The following PRTG variants were observed in gnomAD, a reference collection of about 807,000 sequenced individuals.
PRTG encodes the protein immunoglobulin superfamily, DCC subclass, member 5.
PRTG carries 67 observed loss-of-function variants against 122.5 expected under a neutral mutation model. The ratio of observed to expected loss-of-function variants is 0.55; its 90% confidence interval spans 0.45 to 0.67. The LOEUF (loss-of-function observed/expected upper bound fraction) is 0.67, where lower values mean the gene tolerates loss of function less well. Among genes scored for constraint, PRTG ranks in the 30% least tolerant of loss-of-function variants. PRTG has a pLI of 0.00. For missense variants in PRTG, 1,435 were observed against 1,415.4 expected, an observed-to-expected ratio of 1.01 and a Z score of -0.22; for synonymous variants, 554 against 501.1, an observed-to-expected ratio of 1.11 and a Z score of -1.41.
At chr15:55,654,260 G>A (rs1205003173) in intron 11 of PRTG, among the ~76,000 whole-genome samples, 1 of 152,132 alleles carries the variant, frequency 6.6e-6, no homozygotes, top group Admixed American at 6.6e-5. Flanking sequence ...CCTTTGGTTA[G>A]GGAAGAGAAA....
intron 11 of PRTG, among the ~76,000 whole-genome samples, chr15:55,664,977 G>A (rs978180870): frequency 6.6e-6 from 1 of 152,030 alleles, no homozygotes; most frequent in Non-Finnish European, 1.5e-5. Context: ...ACTGCATGTT[G>A]GCCAGGCGCA....
At chr15:55,651,395 A>G (rs1391291044) in intron 11 of PRTG, among the ~76,000 whole-genome samples, 3 of 152,182 alleles carry the variant, frequency 2.0e-5, no homozygotes, top group African/African-American at 7.2e-5. Context: ...AAGAATTCCA[A>G]TCCTGCTGCC....
At chr15:55,722,683 T>C (rs2030872003) in intron 2 of PRTG, among the ~76,000 whole-genome samples, 1 of 152,180 alleles carries the variant, frequency 6.6e-6, no homozygotes, top group African/African-American at 2.4e-5. Flanking sequence ...TATTTCCATT[T>C]CTGGAAAATC....
At chr15:55,646,361 C>T (rs1000857774) in intron 11 of PRTG, among the ~76,000 whole-genome samples, 8 of 148,762 alleles carry the variant, frequency 5.4e-5, no homozygotes, top group Admixed American at 2.0e-4. Flanking sequence ...CTTGCTCTGT[C>T]GCCCAGGATG....
At chr15:55,655,645 A>C (rs1433709778) in intron 11 of PRTG, 1 of 152,094 alleles carries the variant, frequency 6.6e-6, no homozygotes, top group Non-Finnish European at 1.5e-5. Context: ...AACTTTAGAC[A>C]GTATAAACTT....
In PRTG at chr15:55,616,762, G is replaced by C. The variant is rs2059143578; in HGVS notation, c.*3250C>G. On this transcript the variant is annotated 3_prime_UTR_variant, in exon 20 of 20. Coordinates refer to ENST00000389286, the MANE Select transcript of PRTG (RefSeq NM_173814.6). Reference sequence around the variant, plus strand: ...TAAAAAGTACTTGAATAAAAACACTGATAAATACCAATATAATTGTATTGC... The same window carrying C: ...TAAAAAGTACTTGAATAAAAACACTCATAAATACCAATATAATTGTATTGC... The C allele has an allele frequency of 6.6e-6, 1 of 152,048 alleles. No individual in the cohort carries two copies. Among genetic ancestry groups the C allele is most frequent in the Admixed American group, 6.6e-5 (1 of 15,242 alleles). The allele number at this position is 152,048 out of a possible 1,614,324, so 9.4% of individuals were successfully genotyped here. A position where few individuals can be genotyped will look rare whatever the true frequency, so the allele number is the denominator to read the frequency against.
In PRTG at chr15:55,614,373, C is replaced by T. The variant is rs937964083; in HGVS notation, c.*5639G>A. On this transcript the variant is annotated 3_prime_UTR_variant, in exon 20 of 20. Coordinates refer to ENST00000389286, the MANE Select transcript of PRTG (RefSeq NM_173814.6). ...AATAAAACTGAAAAGCATTCAGTGG[C>T]TTGGTGAAGCTGAAGAGAGGAACCA... 1.3e-5 allele frequency: 2 copies of T among 152,040 alleles called. No individual in the cohort carries two copies. Among genetic ancestry groups the T allele is most frequent in the Admixed American group, 6.6e-5 (1 of 15,256 alleles). The allele number at this position is 152,040 out of a possible 1,614,324, so 9.4% of individuals were successfully genotyped here.
chr15:55,703,770 T>A (rs2029977153), intron 2 of PRTG, among the ~76,000 whole-genome samples: 1 of 152,232 alleles, frequency 6.6e-6, no homozygotes, highest in African/African-American at 2.4e-5. Context: ...CTTAAATTTT[T>A]AAAAACTATT....
intron 2 of PRTG, among the ~76,000 whole-genome samples, chr15:55,720,824 G>C (rs1595676007): frequency 6.6e-6 from 1 of 152,274 alleles, no homozygotes; most frequent in Non-Finnish European, 1.5e-5. Flanking sequence ...ATCTCATAAT[G>C]TTTTAAGAAC....
At chr15:55,742,534 G>A (rs564326126) in intron 1 of PRTG, 4 of 328,184 alleles carry the variant, frequency 1.2e-5, no homozygotes, top group East Asian at 4.8e-5. Context: ...GGCGCGAGAA[G>A]GAAGAGACCA....
At chr15:55,641,059 G>C in intron 12 of PRTG, 54 bp downstream of exon 12, 1 of 1,206,464 alleles carries the variant, frequency 8.3e-7, no homozygotes, top group Non-Finnish European at 1.2e-6. Context: ...AGGAGGAGGA[G>C]GAGAAAGAAC....
At chr15:55,640,184 G>A (rs1170756364) in intron 12 of PRTG, among the ~76,000 whole-genome samples, 1 of 152,092 alleles carries the variant, frequency 6.6e-6, no homozygotes, top group Non-Finnish European at 1.5e-5. Context: ...ATCACCCATA[G>A]GCTATAAAAC....
intron 6 of PRTG, 147 bp downstream of exon 6, chr15:55,679,907 T>G (rs914093895): frequency 1.4e-5 from 9 of 635,622 alleles, no homozygotes; most frequent in Non-Finnish European, 2.4e-5. Flanking sequence ...TTAACATAAA[T>G]ATTTGTTTTT....
chr15:55,625,266 G>A (rs1394727929), intron 17 of PRTG, among the ~76,000 whole-genome samples: 3 of 152,104 alleles, frequency 2.0e-5, no homozygotes, highest in Non-Finnish European at 2.9e-5. Context: ...AGATGAGATT[G>A]CATGACAGAG....
chr15:55,720,133 C>G (rs1160539623), intron 2 of PRTG, among the ~76,000 whole-genome samples: 1 of 151,910 alleles, frequency 6.6e-6, no homozygotes, highest in African/African-American at 2.4e-5. Flanking sequence ...AATCCCAGCA[C>G]TTTGGGAGGC....
intron 2 of PRTG, among the ~76,000 whole-genome samples, chr15:55,728,944 C>A (rs1212422438): frequency 2.0e-5 from 3 of 152,100 alleles, no homozygotes; most frequent in Non-Finnish European, 2.9e-5. Context: ...TGTTTATGTA[C>A]ACAACAGCAA....
At chr15:55,620,448 C>G (rs1223597588) in intron 19 of PRTG, among the ~76,000 whole-genome samples, 182 bp from the exon 20 acceptor site, 1 of 152,136 alleles carries the variant, frequency 6.6e-6, no homozygotes, top group African/African-American at 2.4e-5. Flanking sequence ...CCTCACTGAC[C>G]CTACTCCCCA....
intron 2 of PRTG, among the ~76,000 whole-genome samples, chr15:55,691,756 C>T (rs896263526): frequency 6.6e-6 from 1 of 151,414 alleles, no homozygotes; most frequent in East Asian, 1.9e-4. Context: ...ACTCTGTGTA[C>T]TGGAAGTTCA....
intron 2 of PRTG, among the ~76,000 whole-genome samples, chr15:55,699,802 C>T (rs1367667590): frequency 6.6e-6 from 1 of 152,148 alleles, no homozygotes; most frequent in East Asian, 1.9e-4. Context: ...CATCCAGGAA[C>T]TAGCATGATT....
Sources: gnomAD v4.1 joint callset for allele counts (sites outside exome capture counted in the v4.1 genomes callset) on GRCh38, gnomAD v4.1.1 for gene constraint, MANE v1.5 for transcripts, NCBI Gene and HGNC (gene_info 2026-07-23, HGNC 2026-07-21) for gene names.